OTOGL: variants seen among roughly 807,000 people sequenced by gnomAD.
The protein encoded by OTOGL is otogelin-like protein.
Under a neutral mutation model 318.5 loss-of-function variants are expected in OTOGL, and 285 were observed. The ratio of observed to expected loss-of-function variants is 0.89; its 90% CI spans 0.81 to 0.99. OTOGL has a LOEUF of 0.99. OTOGL is among the 50% of genes least tolerant of loss of function. The pLI is 0.00. For missense variants in OTOGL, 2,899 were observed against 2,845.6 expected (o/e 1.02, Z -0.43); for synonymous variants, 987 against 936.5 (o/e 1.05, Z -0.99).
intron 30 of OTOGL, among the ~76,000 whole-genome samples, chr12:80,312,208 G>T (rs1174672691): frequency 6.6e-6 from 1 of 152,034 alleles, no homozygotes; most frequent in Non-Finnish European, 1.5e-5. Flanking sequence ...CTAAATATAT[G>T]CATGGAACCG....
In OTOGL at chr12:80,314,281, ATATT is replaced by A; in HGVS notation, c.3608-19_3608-16del. On this transcript the variant is annotated intron_variant, in intron 31 of 58. Coordinates refer to ENST00000547103, the MANE Select transcript of OTOGL (RefSeq NM_001378609.3). Reference sequence around the variant, plus strand: ...AGTGATTGACTTCTTACATAGTTTAATATTTATTCTTTTTTTCTTTTAGCACTTG... The same window carrying A: ...AGTGATTGACTTCTTACATAGTTTAATATTCTTTTTTTCTTTTAGCACTTG... 1 of 923,226 alleles carries A rather than the reference ATATT, an allele frequency of 1.1e-6. No individual in the cohort carries two copies. The highest frequency in any genetic ancestry group is 1.5e-6 in the Non-Finnish European group (1 of 686,366). The allele number at this position is 923,226 out of a possible 1,614,324, so 57.2% of individuals were successfully genotyped here.
chr12:80,144,836 T>A (rs1204242209), intron 1 of OTOGL, among the ~76,000 whole-genome samples: 1 of 152,194 alleles, frequency 6.6e-6, no homozygotes, highest in Non-Finnish European at 1.5e-5. Context: ...ATATGTTTTT[T>A]GGCTGCATAA....
chr12:80,181,526 C>G (rs999242584), intron 1 of OTOGL, among the ~76,000 whole-genome samples: 4 of 152,018 alleles, frequency 2.6e-5, no homozygotes, highest in African/African-American at 9.7e-5. Flanking sequence ...GCAATGTTTG[C>G]TTTATAGAGT....
At chr12:80,201,942 C>T (rs1876487361) in intron 1 of OTOGL, among the ~76,000 whole-genome samples, 1 of 152,168 alleles carries the variant, frequency 6.6e-6, no homozygotes, top group South Asian at 2.1e-4. Flanking sequence ...AGCATTCCTG[C>T]CTGCTGCTGT....
In OTOGL at chr12:80,239,640, A is replaced by G. The variant is rs1351873795; in HGVS notation, c.1052+201A>G. On this transcript the variant is annotated intron_variant, in intron 11 of 58. Transcript: ENST00000547103. ...TTATTGATACATAGTAGATGTACAT[A>G]TTTTCAGGGTATGTGTGATAATTTA... Among the ~76,000 whole-genome samples the G allele has an allele frequency of 2.6e-5, 4 of 152,102 alleles. No individual in the cohort carries two copies. In the East Asian group the frequency reaches 7.7e-4, roughly 29 times the overall value.
At chr12:80,334,188 A>G (rs1888254339) in intron 38 of OTOGL, among the ~76,000 whole-genome samples, 1 of 152,156 alleles carries the variant, frequency 6.6e-6, no homozygotes, top group Non-Finnish European at 1.5e-5. Flanking sequence ...AGCAGTGAAG[A>G]TGGTGAAAAG....
intron 1 of OTOGL, among the ~76,000 whole-genome samples, chr12:80,179,531 AG>A (rs1468894442): frequency 6.6e-6 from 1 of 152,212 alleles, no homozygotes; most frequent in Non-Finnish European, 1.5e-5. Context: ...TGTTATAATG[AG>A]GACTTATGTC....
chr12:80,323,750 A>G lies in OTOGL; in HGVS notation c.4109A>G (p.Lys1370Arg). The G allele has an allele frequency of 6.2e-7, 1 of 1,613,926 alleles. No homozygotes were observed. The highest frequency in any genetic ancestry group is 8.5e-7 in the Non-Finnish European group (1 of 1,179,792). ...EEIQAAVPYR[K>R]MCEWRYEPCA... ...ATCCAGGCAGCAGTGCCTTACAGGA[A>G]GATGTGTGAATGGAGATATGAACCT... The change falls in exon 35 of 59, where the codon AAG (lysine) becomes AGG (arginine). Residue 1370 changes from lysine to arginine, a missense_variant. Physicochemically the swap from Lys to Arg is conservative, Grantham distance 26. Coordinates refer to ENST00000547103, the MANE Select transcript of OTOGL (RefSeq NM_001378609.3).
At chr12:80,238,313 A>C (rs1880044746) in intron 9 of OTOGL, among the ~76,000 whole-genome samples, 1 of 152,038 alleles carries the variant, frequency 6.6e-6, no homozygotes, top group Non-Finnish European at 1.5e-5. Flanking sequence ...TCTTCTATTG[A>C]TGTGTTTTCC....
At chr12:80,104,285 T>C (rs557349134) in intron 1 of OTOGL, among the ~76,000 whole-genome samples, 1 of 152,318 alleles carries the variant, frequency 6.6e-6, no homozygotes, top group South Asian at 2.1e-4. Flanking sequence ...ATCTCTCCCA[T>C]ATCCAGATTG....
At chr12:80,370,141 C>T (rs571946799) in intron 55 of OTOGL, among the ~76,000 whole-genome samples, 15 of 151,880 alleles carry the variant, frequency 9.9e-5, no homozygotes, top group Non-Finnish European at 2.1e-4. Context: ...AGAATAAACA[C>T]GTCTCAAGGA....
intron 55 of OTOGL, among the ~76,000 whole-genome samples, chr12:80,369,322 T>C (rs944292722): frequency 2.0e-5 from 3 of 152,082 alleles, no homozygotes; most frequent in Admixed American, 1.3e-4. Context: ...CCAAACTGTC[T>C]TCATTACTGC....
intron 1 of OTOGL, among the ~76,000 whole-genome samples, chr12:80,101,455 G>C (rs1286562218): frequency 1.3e-5 from 2 of 152,138 alleles, no homozygotes; most frequent in African/African-American, 4.8e-5. Flanking sequence ...TGCCAAAAAT[G>C]GAAGGTTGAG....
intron 11 of OTOGL, among the ~76,000 whole-genome samples, chr12:80,241,473 T>C (rs1279844529): frequency 2.0e-5 from 3 of 152,106 alleles, no homozygotes; most frequent in Middle Eastern, 3.2e-3. Context: ...GTTTTTTTTC[T>C]CTTTTTTAAG....
chr12:80,376,585 C>G (rs1464780377), intron 57 of OTOGL, among the ~76,000 whole-genome samples: 1 of 152,040 alleles, frequency 6.6e-6, no homozygotes, highest in Admixed American at 6.6e-5. Flanking sequence ...GCCATAAAAT[C>G]AAGTATGACT....
intron 1 of OTOGL, among the ~76,000 whole-genome samples, chr12:80,187,470 A>G (rs539809509): frequency 2.6e-5 from 4 of 152,330 alleles, no homozygotes; most frequent in African/African-American, 9.6e-5. Context: ...GGACGACAGG[A>G]TGAGAGGTGC....
intron 1 of OTOGL, among the ~76,000 whole-genome samples, chr12:80,145,411 A>T (rs1023742104): frequency 1.3e-5 from 2 of 151,694 alleles, no homozygotes; most frequent in African/African-American, 4.8e-5. Flanking sequence ...TGTTCCATTG[A>T]TCTATATCTC....
chr12:80,265,012 GCA>G lies in OTOGL; in HGVS notation c.2030_2031del (p.His677LeufsTer2). On this transcript the variant is annotated frameshift_variant, in exon 20 of 59. Coordinates refer to ENST00000547103, the MANE Select transcript of OTOGL (RefSeq NM_001378609.3). LOFTEE classifies it high-confidence loss of function. ...NINQQNIGYA[A>X]HCDVIHQELF... ...GGGCTCTTTGTTAGTTGGGTATGCAGCACACTGTGATGTCATCCACCAGGAGC... is the reference window on the plus strand; with the variant it reads ...GGGCTCTTTGTTAGTTGGGTATGCAGCACTGTGATGTCATCCACCAGGAGC... The G allele has an allele frequency of 6.2e-7, 1 of 1,613,832 alleles. No homozygotes were observed. The highest frequency in any genetic ancestry group is 8.5e-7 in the Non-Finnish European group (1 of 1,179,800).
intron 1 of OTOGL, among the ~76,000 whole-genome samples, chr12:80,181,006 C>T (rs1874881711): frequency 6.6e-6 from 1 of 152,076 alleles, no homozygotes; most frequent in Admixed American, 6.6e-5. Flanking sequence ...ATGGGTTTGA[C>T]CTCTAGTCCA....
Sources: gnomAD v4.1 joint callset for allele counts (sites outside exome capture counted in the v4.1 genomes callset) on GRCh38, gnomAD v4.1.1 for gene constraint, MANE v1.5 for transcripts, NCBI Gene and HGNC (gene_info 2026-07-23, HGNC 2026-07-21) for gene names.